SHLD2: variants seen among roughly 807,000 people sequenced by gnomAD.
SHLD2 encodes shieldin complex subunit 2.
A neutral mutation model predicts 73.2 loss-of-function variants in SHLD2; 30 were observed. The observed-to-expected ratio is 0.41, with a 90% confidence interval of 0.31 to 0.56. The LOEUF is 0.56. SHLD2 is among the 20% of genes least tolerant of loss of function. The pLI is 0.28. For missense variants in SHLD2, 745 were observed against 1,055.9 expected (o/e 0.71, Z 4.08); for synonymous variants, 285 against 370.1 (o/e 0.77, Z 2.64).
Position 87,190,691 on chromosome 10 carries a change from G to A in SHLD2, c.*8G>A. On this transcript the variant is annotated 3_prime_UTR_variant, in exon 10 of 10. Transcript: ENST00000298786. Reference sequence around the variant, plus strand: ...GCCAATGCCCGTCTCTGAGGCCAGAGGAAGAAATTGCAGGCATTTCAAGGA... The same window carrying A: ...GCCAATGCCCGTCTCTGAGGCCAGAAGAAGAAATTGCAGGCATTTCAAGGA... The A allele has an allele frequency of 3.7e-6, 6 of 1,610,022 alleles. No individual in the cohort carries two copies. The highest frequency in any genetic ancestry group is 5.1e-6 in the Non-Finnish European group (6 of 1,178,202).
chr10:87,112,127 A>G (rs897931363), intron 2 of SHLD2, among the ~76,000 whole-genome samples: 1 of 151,280 alleles, frequency 6.6e-6, no homozygotes, highest in African/African-American at 2.4e-5. Flanking sequence ...AGTCCCAGCT[A>G]CTCGGGAGGC....
chr10:87,125,883 C>T (rs1490064066), intron 2 of SHLD2, among the ~76,000 whole-genome samples: 6 of 152,140 alleles, frequency 3.9e-5, no homozygotes, highest in South Asian at 2.1e-4. Context: ...GCCGAGATCA[C>T]GCCACTGCAC....
At chr10:87,134,375 A>C (rs1474698335) in intron 2 of SHLD2, among the ~76,000 whole-genome samples, 1 of 152,206 alleles carries the variant, frequency 6.6e-6, no homozygotes, top group East Asian at 1.9e-4. Context: ...AACCAAAGGA[A>C]TAGGAATCCA....
intron 2 of SHLD2, among the ~76,000 whole-genome samples, chr10:87,124,234 G>A (rs1398398259): frequency 6.6e-6 from 1 of 151,966 alleles, no homozygotes; most frequent in Admixed American, 6.6e-5. Flanking sequence ...CACATACAGT[G>A]ACCTCACTTA....
chr10:87,107,915 C>T (rs1842700967), intron 2 of SHLD2, among the ~76,000 whole-genome samples: 1 of 151,670 alleles, frequency 6.6e-6, no homozygotes, highest in South Asian at 2.1e-4. Context: ...GAGGCAGTCT[C>T]ACTCTGTCAC....
At chr10:87,108,316 T>C (rs1206341887) in intron 2 of SHLD2, among the ~76,000 whole-genome samples, 3 of 152,238 alleles carry the variant, frequency 2.0e-5, no homozygotes, top group African/African-American at 4.8e-5. Context: ...CCCAAAGTGC[T>C]AGGATTACAG....
rs866113551 is a variant in SHLD2, at chr10:87,142,683, A to G, written c.-5-8667A>G. 7.9e-5 allele frequency among the ~76,000 whole-genome samples: 12 copies of G among 152,248 alleles called. No individual in the cohort carries two copies. The Middle Eastern group carries it at 0.01, about 129-fold the overall frequency. On this transcript the variant is annotated intron_variant, in intron 2 of 9. Transcript: ENST00000298786. ...ATGCCAAGGTTTTTTGGCCTGGGGAATTGGGATAGTGGAGTTGTTATTTGC... is the reference window on the plus strand; with the variant it reads ...ATGCCAAGGTTTTTTGGCCTGGGGAGTTGGGATAGTGGAGTTGTTATTTGC...
At chr10:87,111,315 A>G (rs1842906217) in intron 2 of SHLD2, among the ~76,000 whole-genome samples, 1 of 152,026 alleles carries the variant, frequency 6.6e-6, no homozygotes, top group African/African-American at 2.4e-5. Flanking sequence ...GGCATGTGCC[A>G]CCACATCCCA....
intron 2 of SHLD2, among the ~76,000 whole-genome samples, chr10:87,150,167 C>T (rs1224695069): frequency 4.0e-5 from 6 of 149,398 alleles, no homozygotes; most frequent in Admixed American, 2.0e-4. Context: ...TGAGTTCAAG[C>T]GCTTCTCTTG....
chr10:87,119,720 G>A (rs1843471949), intron 2 of SHLD2, among the ~76,000 whole-genome samples: 1 of 151,782 alleles, frequency 6.6e-6, no homozygotes, highest in East Asian at 1.9e-4. Context: ...GGAGGTTGCA[G>A]TGAGCCAAGA....
intron 4 of SHLD2, among the ~76,000 whole-genome samples, chr10:87,169,538 T>G (rs1382902645): frequency 5.9e-5 from 9 of 152,170 alleles, no homozygotes; most frequent in Non-Finnish European, 1.5e-5. Context: ...TCTTTTACTG[T>G]CTAAAGGAAG....
At chr10:87,156,221 C>T (rs568858864) in intron 3 of SHLD2, among the ~76,000 whole-genome samples, 1 of 151,928 alleles carries the variant, frequency 6.6e-6, no homozygotes, top group Non-Finnish European at 1.5e-5. Context: ...AGCCCGCCAC[C>T]ACGCCTGACT....
chr10:87,102,228 C>G (rs1301080100), intron 2 of SHLD2, among the ~76,000 whole-genome samples: 1 of 152,170 alleles, frequency 6.6e-6, no homozygotes, highest in Non-Finnish European at 1.5e-5. Context: ...CAGTTCTCAA[C>G]TCTTTTGGTC....
At chr10:87,119,636 TGTAGTCCCAACTACTCGG>T (rs539029058) in intron 2 of SHLD2, among the ~76,000 whole-genome samples, 2,145 of 152,186 alleles carry the variant, frequency 0.014, 52 homozygotes, top group African/African-American at 0.044. Flanking sequence ...GGCGCGCACC[TGTAGTCCCAACTACTCGG>T]GTAGTCCCAA....
chr10:87,104,577 A>C (rs1842478343), intron 2 of SHLD2, among the ~76,000 whole-genome samples: 1 of 152,136 alleles, frequency 6.6e-6, no homozygotes, highest in Non-Finnish European at 1.5e-5. Flanking sequence ...ATGGGAGCTA[A>C]ATTAGGAAAA....
intron 2 of SHLD2, among the ~76,000 whole-genome samples, chr10:87,135,660 ATTTTTTTTT>A (rs71276300): frequency 1.5e-5 from 2 of 133,564 alleles, no homozygotes; most frequent in African/African-American, 5.6e-5. Context: ...CACCTGGCTA[ATTTTTTTTT>A]TTTTTTTTTT....
chr10:87,188,189 G>A (rs1011154046), intron 9 of SHLD2, among the ~76,000 whole-genome samples: 2 of 152,148 alleles, frequency 1.3e-5, no homozygotes, highest in African/African-American at 4.8e-5. Context: ...TGAATATGGC[G>A]CTTTCTTGGT....
intron 2 of SHLD2, among the ~76,000 whole-genome samples, chr10:87,149,114 C>T (rs1845839731): frequency 6.6e-6 from 1 of 151,912 alleles, no homozygotes. Context: ...TCTCGGACTC[C>T]TGACCTCAGG....
chr10:87,165,501 T>G (rs1033342220), intron 4 of SHLD2, among the ~76,000 whole-genome samples: 1 of 152,212 alleles, frequency 6.6e-6, no homozygotes, highest in Non-Finnish European at 1.5e-5. Flanking sequence ...ATCCACCATA[T>G]TTTTTGTGGA....
Sources: allele counts gnomAD v4.1 joint callset (sites outside exome capture counted in the v4.1 genomes callset), GRCh38; gene constraint gnomAD v4.1.1; transcripts MANE v1.5; gene names NCBI Gene and HGNC (gene_info 2026-07-23, HGNC 2026-07-21).